The following ETV6 variants were observed in gnomAD, a reference collection of about 807,000 sequenced individuals.
ETV6 encodes ETS variant transcription factor 6, also known as transcription factor ETV6.
A neutral mutation model predicts 51.1 loss-of-function variants in ETV6; 16 were observed. The ratio of observed to expected loss-of-function variants is 0.31; its 90% CI spans 0.21 to 0.48. The LOEUF (loss-of-function observed/expected upper bound fraction) is 0.48, where lower values mean the gene tolerates loss of function less well. ETV6 is among the 20% of genes least tolerant of loss of function. ETV6 has a pLI of 0.99. For missense variants in ETV6, 458 were observed against 594.8 expected, an observed-to-expected ratio of 0.77 and a Z score of 2.39; for synonymous variants, 240 against 224.1, an observed-to-expected ratio of 1.07 and a Z score of -0.64.
intron 1 of ETV6, among the ~76,000 whole-genome samples, chr12:11,703,304 TAGTC>T (rs374450571): frequency 1.6e-3 from 238 of 150,760 alleles, no homozygotes; most frequent in African/African-American, 5.5e-3. Context: ...ACCTTTGCAT[TAGTC>T]AGTCCTTATT....
intron 1 of ETV6, among the ~76,000 whole-genome samples, chr12:11,701,787 C>G (rs1864988044): frequency 6.6e-6 from 1 of 152,130 alleles, no homozygotes; most frequent in African/African-American, 2.4e-5. Context: ...ACAGAGGGCC[C>G]TGCGTGATCT....
intron 2 of ETV6, among the ~76,000 whole-genome samples, chr12:11,803,227 T>C (rs1945777439): frequency 6.6e-6 from 1 of 152,206 alleles, no homozygotes; most frequent in African/African-American, 2.4e-5. Flanking sequence ...GACATGTCTT[T>C]AGGTGGACTT....
chr12:11,731,082 G>C (rs546547573), intron 1 of ETV6, among the ~76,000 whole-genome samples: 59 of 152,316 alleles, frequency 3.9e-4, no homozygotes, highest in Admixed American at 1.6e-3. Context: ...AATGGGAAGT[G>C]CTGCTGGGGA....
chr12:11,773,209 A>T, intron 2 of ETV6, among the ~76,000 whole-genome samples: 1 of 135,592 alleles, frequency 7.4e-6, no homozygotes, highest in African/African-American at 2.6e-5. Flanking sequence ...AAAAAAAAAA[A>T]AAATGAAATC....
intron 4 of ETV6, among the ~76,000 whole-genome samples, chr12:11,867,039 CA>C (rs1478515147): frequency 3.9e-5 from 6 of 152,222 alleles, no homozygotes; most frequent in Admixed American, 3.9e-4. Flanking sequence ...TCAACAGAAT[CA>C]GGGGGAAAGC....
At chr12:11,878,032 C>T (rs1202322836) in intron 5 of ETV6, among the ~76,000 whole-genome samples, 1 of 152,152 alleles carries the variant, frequency 6.6e-6, no homozygotes, top group African/African-American at 2.4e-5. Context: ...TGTGGGGTGC[C>T]CTTCAAGGCC....
chr12:11,705,416 C>T (rs1565492804), intron 1 of ETV6, among the ~76,000 whole-genome samples: 1 of 152,084 alleles, frequency 6.6e-6, no homozygotes. Context: ...TATTCTCTGC[C>T]CTGGCCTTCA....
rs556661958 is a variant in ETV6, at chr12:11,659,385, A to G, written c.33+9225A>G. Among the ~76,000 whole-genome samples the G allele has an allele frequency of 3.3e-5, 5 of 152,252 alleles. No individual in the cohort carries two copies. In the East Asian group the frequency reaches 9.6e-4, roughly 29 times the overall value. On this transcript the variant is annotated intron_variant, in intron 1 of 7. Transcript: ENST00000396373. ...AAAATGTTACCCACCTGTCCCTCCTACCACCATGCAATAAGTGTGGGCTAC... is the reference window on the plus strand; with the variant it reads ...AAAATGTTACCCACCTGTCCCTCCTGCCACCATGCAATAAGTGTGGGCTAC...
intron 2 of ETV6, among the ~76,000 whole-genome samples, chr12:11,783,313 A>G (rs544652287): frequency 1.4e-4 from 21 of 152,300 alleles, no homozygotes; most frequent in Admixed American, 8.5e-4. Flanking sequence ...CAGATGCTGC[A>G]TAGAATTCAG....
At chr12:11,663,457 C>T (rs186893186) in intron 1 of ETV6, among the ~76,000 whole-genome samples, 1 of 152,252 alleles carries the variant, frequency 6.6e-6, no homozygotes, top group African/African-American at 2.4e-5. Flanking sequence ...CCACATGTAT[C>T]GCATGCTCAT....
Position 11,685,000 on chromosome 12 carries a change from G to A in ETV6, c.33+34840G>A, listed in dbSNP as rs183911259. Among the ~76,000 whole-genome samples the A allele has an allele frequency of 1.1e-4, 17 of 152,282 alleles. No individual in the cohort carries two copies. The East Asian group carries it at 3.1e-3, about 28-fold the overall frequency. ...GGCCAGGGGGATCCTATTCCAGGTC[G>A]GTGGTCAGGGAAGGCCTAGGAGGTG... On this transcript the variant is annotated intron_variant, in intron 1 of 7. Transcript: ENST00000396373.
intron 1 of ETV6, among the ~76,000 whole-genome samples, chr12:11,653,499 C>T (rs578199841): frequency 2.0e-5 from 3 of 152,338 alleles, no homozygotes; most frequent in African/African-American, 4.8e-5. Flanking sequence ...GAGACTCTTT[C>T]GAGCTCCCCT....
chr12:11,729,807 G>A (rs1048645285), intron 1 of ETV6, among the ~76,000 whole-genome samples: 1 of 152,164 alleles, frequency 6.6e-6, no homozygotes, highest in Non-Finnish European at 1.5e-5. Flanking sequence ...TTACATGTCT[G>A]AAGTAGAAGG....
chr12:11,834,212 T>C (rs948018509), intron 2 of ETV6, among the ~76,000 whole-genome samples: 1 of 152,194 alleles, frequency 6.6e-6, no homozygotes, highest in Non-Finnish European at 1.5e-5. Flanking sequence ...AAAATTGGTG[T>C]GGGTCATTGA....
intron 1 of ETV6, among the ~76,000 whole-genome samples, chr12:11,737,355 AG>A: frequency 6.6e-6 from 1 of 152,332 alleles, no homozygotes; most frequent in African/African-American, 2.4e-5. Context: ...CGCAGTTCTA[AG>A]AGGTGTTCTC....
At chr12:11,843,018 TA>T (rs1404329516) in intron 3 of ETV6, among the ~76,000 whole-genome samples, 1 of 152,238 alleles carries the variant, frequency 6.6e-6, no homozygotes, top group African/African-American at 2.4e-5. Context: ...GTGAGCATCA[TA>T]CATCGTCTCC....
chr12:11,886,546 T>C (rs2136603997), intron 7 of ETV6, among the ~76,000 whole-genome samples: 1 of 152,210 alleles, frequency 6.6e-6, no homozygotes, highest in East Asian at 1.9e-4. Context: ...AGAATGACAG[T>C]TGATTCATGA....
chr12:11,743,923 C>G (rs1168373744), intron 1 of ETV6, among the ~76,000 whole-genome samples: 1 of 152,138 alleles, frequency 6.6e-6, no homozygotes, highest in East Asian at 1.9e-4. Context: ...GAAGGGTTTA[C>G]GAAGAGGCAA....
In ETV6 at chr12:11,693,404, C is replaced by A. The variant is rs557940410; in HGVS notation, c.33+43244C>A. 6.8e-4 allele frequency among the ~76,000 whole-genome samples: 103 copies of A among 152,208 alleles called. 1 individual carries two copies. Among genetic ancestry groups the A allele is most frequent in the Non-Finnish European group, 1.3e-3 (90 of 68,008 alleles). ...ATGTTCACTTACTCCTAACCTGTCT[C>A]CCACAATAGTCATCTGGGTCTGTGC... On this transcript the variant is annotated intron_variant, in intron 1 of 7. Coordinates refer to ENST00000396373, the MANE Select transcript of ETV6 (RefSeq NM_001987.5).
Sources: allele counts gnomAD v4.1 joint callset (sites outside exome capture counted in the v4.1 genomes callset), GRCh38; gene constraint gnomAD v4.1.1; transcripts MANE v1.5; gene names NCBI Gene and HGNC (gene_info 2026-07-23, HGNC 2026-07-21).